ADAMTS9: variants seen among roughly 807,000 people sequenced by gnomAD.
ADAMTS9 encodes the protein A disintegrin and metalloproteinase with thrombospondin motifs 9.
Under a neutral mutation model 257.1 loss-of-function variants are expected in ADAMTS9, and 107 were observed. The observed-to-expected ratio is 0.42, with a 90% confidence interval of 0.36 to 0.49. The LOEUF (loss-of-function observed/expected upper bound fraction) is 0.49. Among genes scored for constraint, ADAMTS9 ranks in the 20% least tolerant of loss-of-function variants. The pLI, the probability that ADAMTS9 is intolerant of heterozygous loss-of-function variation, is 0.03. For synonymous variants in ADAMTS9, 982 were observed against 880.9 expected (o/e 1.11, Z -2.03); for missense variants, 2,353 against 2,469.1 (o/e 0.95, Z 1.00).
intron 28 of ADAMTS9, chr3:64,589,174 T>G (rs2084214534): frequency 6.6e-6 from 1 of 152,206 alleles, no homozygotes; most frequent in South Asian, 2.1e-4. Flanking sequence ...AGAGGAATAT[T>G]TTGCCATTCC....
At chr3:64,590,903 A>G (rs2084247177) in intron 28 of ADAMTS9, among the ~76,000 whole-genome samples, 2 of 152,188 alleles carry the variant, frequency 1.3e-5, no homozygotes, top group Non-Finnish European at 2.9e-5. Flanking sequence ...GGCAATGCAC[A>G]AAGGAACACC....
chr3:64,552,636 G>A (rs1287304546), intron 30 of ADAMTS9, among the ~76,000 whole-genome samples: 1 of 149,618 alleles, frequency 6.7e-6, no homozygotes, highest in Non-Finnish European at 1.5e-5. Context: ...GCAGTGATGT[G>A]ATCACAGTTT....
intron 14 of ADAMTS9, among the ~76,000 whole-genome samples, chr3:64,633,099 C>T (rs1700409421): frequency 1.3e-5 from 2 of 152,190 alleles, no homozygotes; most frequent in Non-Finnish European, 2.9e-5. Flanking sequence ...ATATTTCTCA[C>T]CCTCAGCTAT....
At position 64,541,835 on chromosome 3, in the gene ADAMTS9, T is replaced by TA; in HGVS notation, c.5197+2dup. The TA allele has an allele frequency of 1.9e-6, 3 of 1,614,088 alleles. No individual in the cohort carries two copies. The highest frequency in any genetic ancestry group is 2.5e-6 in the Non-Finnish European group (3 of 1,180,000). On this transcript the variant is annotated splice_region_variant and intron_variant, in intron 33 of 39. Coordinates refer to ENST00000498707, the MANE Select transcript of ADAMTS9 (RefSeq NM_182920.2). Reference sequence around the variant, plus strand: ...GAAAGATAACTTCAGTTGGCCAACTTACAGTTATAGACATTACGGCAGGTT... The same window carrying TA: ...GAAAGATAACTTCAGTTGGCCAACTTAACAGTTATAGACATTACGGCAGGTT...
intron 12 of ADAMTS9, among the ~76,000 whole-genome samples, chr3:64,641,383 A>G (rs971144783): frequency 5.3e-5 from 8 of 151,286 alleles, no homozygotes; most frequent in Non-Finnish European, 1.2e-4. Flanking sequence ...GGTTAGTTAC[A>G]TATGTATACA....
At chr3:64,561,836 G>A (rs2083432096) in intron 29 of ADAMTS9, 85 bp from the exon 30 acceptor site, 3 of 1,184,700 alleles carry the variant, frequency 2.5e-6, no homozygotes, top group Non-Finnish European at 3.6e-6. Flanking sequence ...CAGAGGAGGG[G>A]AATGCACTCC....
chr3:64,533,129 T>C (rs747321855), intron 38 of ADAMTS9, 37 bp downstream of exon 38: 5 of 1,551,504 alleles, frequency 3.2e-6, no homozygotes, highest in Admixed American at 1.7e-5. Context: ...AAGAAAGAAA[T>C]AAAAATTCAT....
intron 30 of ADAMTS9, among the ~76,000 whole-genome samples, chr3:64,551,500 C>T (rs796717865): frequency 6.6e-6 from 1 of 152,182 alleles, no homozygotes; most frequent in African/African-American, 2.4e-5. Flanking sequence ...TGAGCCACCA[C>T]TCCCGGCCGA....
intron 14 of ADAMTS9, 133 bp from the exon 15 acceptor site, chr3:64,632,058 A>C: frequency 1.4e-6 from 1 of 699,834 alleles, no homozygotes; most frequent in Admixed American, 2.8e-5. Flanking sequence ...GGAAAGGTTG[A>C]AAACTGAAAT....
At position 64,642,141 on chromosome 3, in the gene ADAMTS9, G is replaced by A. The variant is rs7632980; in HGVS notation, c.1711-148C>T. On this transcript the variant is annotated intron_variant, in intron 11 of 39. Coordinates refer to ENST00000498707, the MANE Select transcript of ADAMTS9 (RefSeq NM_182920.2). ...TTCATCATCTATATGAATAATGGAA[G>A]CTATAGGGATTTTAATCTCACACTT... is the stretch of plus-strand genomic sequence containing the variant. 0.15 allele frequency: 139,600 copies of A among 915,478 alleles called. 16,663 individuals carry two copies. Among genetic ancestry groups the A allele is most frequent in the African/African-American group, 0.49 (29,227 of 59,740 alleles). 56.7% of individuals were successfully genotyped at this position (915,478 alleles called of 1,614,324 possible). A position where few individuals can be genotyped will look rare whatever the true frequency, so the allele number is the denominator to read the frequency against.
At chr3:64,545,938 CA>C (rs2083191866) in intron 32 of ADAMTS9, among the ~76,000 whole-genome samples, 1 of 152,082 alleles carries the variant, frequency 6.6e-6, no homozygotes, top group Non-Finnish European at 1.5e-5. Flanking sequence ...GGTCCAGAGC[CA>C]GGGGGCTGTG....
At chr3:64,618,339 G>A (rs1012840656) in intron 19 of ADAMTS9, among the ~76,000 whole-genome samples, 1 of 152,124 alleles carries the variant, frequency 6.6e-6, no homozygotes, top group Non-Finnish European at 1.5e-5. Context: ...TCTGAGTAGA[G>A]TACATATAAA....
At chr3:64,612,650 T>C (rs1042537540) in intron 22 of ADAMTS9, among the ~76,000 whole-genome samples, 5 of 152,186 alleles carry the variant, frequency 3.3e-5, no homozygotes, top group African/African-American at 7.2e-5. Flanking sequence ...ACAGCTGTTC[T>C]ACTTCTAATG....
chr3:64,605,191 A>G (rs1387489975), intron 23 of ADAMTS9, among the ~76,000 whole-genome samples: 1 of 152,206 alleles, frequency 6.6e-6, no homozygotes, highest in Non-Finnish European at 1.5e-5. Flanking sequence ...AACTTTTTAC[A>G]AAGTGAAGGA....
At chr3:64,650,822 C>A (rs1248945675) in intron 9 of ADAMTS9, 195 bp downstream of exon 9, 3 of 546,254 alleles carry the variant, frequency 5.5e-6, no homozygotes, top group Non-Finnish European at 9.1e-6. Flanking sequence ...AGTCTGTAAT[C>A]TTCTAAACTC....
intron 3 of ADAMTS9, among the ~76,000 whole-genome samples, chr3:64,680,097 T>C (rs141527182): frequency 3.8e-4 from 58 of 152,338 alleles, no homozygotes; most frequent in African/African-American, 1.4e-3. Context: ...CAATGTTATC[T>C]TTTATTAAAG....
At chr3:64,631,591 G>T in intron 15 of ADAMTS9, 41 bp from the exon 16 acceptor site, 3 of 1,508,732 alleles carry the variant, frequency 2.0e-6, no homozygotes, top group South Asian at 2.3e-5. Flanking sequence ...CCACAGAATG[G>T]TTCACTTTCT....
intron 30 of ADAMTS9, among the ~76,000 whole-genome samples, chr3:64,553,090 G>A (rs2106937099): frequency 6.7e-6 from 1 of 149,128 alleles, no homozygotes; most frequent in South Asian, 2.1e-4. Flanking sequence ...ACTATCACAA[G>A]TATAGAATTC....
chr3:64,540,356 G>A (rs1305798021), intron 36 of ADAMTS9, among the ~76,000 whole-genome samples: 1 of 152,190 alleles, frequency 6.6e-6, no homozygotes, highest in Non-Finnish European at 1.5e-5. Flanking sequence ...CTTTATGCAA[G>A]GGAACATGTT....
Sources: gnomAD v4.1 joint callset for allele counts (sites outside exome capture counted in the v4.1 genomes callset) on GRCh38, gnomAD v4.1.1 for gene constraint, MANE v1.5 for transcripts, NCBI Gene and HGNC (gene_info 2026-07-23, HGNC 2026-07-21) for gene names.